Variants in SPIDR observed in about 807,000 individuals in gnomAD.
SPIDR encodes the protein DNA repair-scaffolding protein.
In SPIDR, 93 loss-of-function variants were observed where a neutral mutation model predicts 104.6. That is an observed-to-expected ratio of 0.89 (90% CI 0.75 to 1.06). The LOEUF is 1.06. Among genes scored for constraint, SPIDR ranks in the 50% least tolerant of loss-of-function variants. The pLI is 0.00. For missense variants in SPIDR, 1,154 were observed against 1,111.2 expected (o/e 1.04, Z -0.55); for synonymous variants, 431 against 416.9 (o/e 1.03, Z -0.41).
chr8:47,286,599 A>G (rs1351980672), intron 3 of SPIDR, among the ~76,000 whole-genome samples: 6 of 152,146 alleles, frequency 3.9e-5, no homozygotes, highest in African/African-American at 1.4e-4. Context: ...AAAAAATTAC[A>G]TGTACATACA....
Position 47,323,138 on chromosome 8 carries a change from G to T in SPIDR, c.525+29108G>T, listed in dbSNP as rs550084013. ...AAAAAGAAAAGTAAGGTGGATTAAT[G>T]GATAGAGAAATGTGATAAACTGTCA... On this transcript the variant is annotated intron_variant, in intron 5 of 19. Transcript: ENST00000297423. 1.9e-4 allele frequency among the ~76,000 whole-genome samples: 29 copies of T among 151,902 alleles called. No homozygotes were observed. The East Asian group carries it at 5.4e-3, about 28-fold the overall frequency.
chr8:47,715,667 GTA>G (rs1328928406), intron 16 of SPIDR, among the ~76,000 whole-genome samples: 6 of 152,176 alleles, frequency 3.9e-5, no homozygotes, highest in Admixed American at 6.5e-5. Context: ...AATGCAGTGT[GTA>G]TTTCTTTTAT....
intron 5 of SPIDR, among the ~76,000 whole-genome samples, chr8:47,296,901 T>C (rs1040563713): frequency 6.6e-6 from 1 of 152,238 alleles, no homozygotes; most frequent in Admixed American, 6.5e-5. Flanking sequence ...TTGTGTCATC[T>C]ACTATATCTT....
intron 8 of SPIDR, chr8:47,527,587 C>T (rs756390105): frequency 6.6e-6 from 1 of 152,238 alleles, no homozygotes; most frequent in African/African-American, 2.4e-5. Context: ...ATTTTAGCTT[C>T]GGAAAACACT....
chr8:47,394,257 C>A (rs782028400), intron 5 of SPIDR, among the ~76,000 whole-genome samples: 5 of 152,052 alleles, frequency 3.3e-5, no homozygotes, highest in African/African-American at 4.8e-5. Context: ...GGCTTTGTTG[C>A]CCTTCTTATG....
intron 11 of SPIDR, chr8:47,697,978 A>G (rs531839776): frequency 6.6e-5 from 10 of 152,258 alleles, no homozygotes; most frequent in African/African-American, 2.4e-4. Context: ...TCTGCTCCAC[A>G]AACTTGTTGT....
intron 8 of SPIDR, among the ~76,000 whole-genome samples, chr8:47,455,104 C>A (rs1307242797): frequency 6.6e-6 from 1 of 151,964 alleles, no homozygotes; most frequent in Non-Finnish European, 1.5e-5. Context: ...TGTTACTGTG[C>A]TTTTGGTATT....
At chr8:47,408,282 A>G (rs967735806) in intron 7 of SPIDR, among the ~76,000 whole-genome samples, 5 of 152,056 alleles carry the variant, frequency 3.3e-5, no homozygotes, top group Middle Eastern at 3.2e-3. Context: ...TTATTTCATT[A>G]TTTAGAGACA....
intron 8 of SPIDR, among the ~76,000 whole-genome samples, chr8:47,591,644 C>G (rs1319946826): frequency 1.3e-5 from 2 of 151,946 alleles, no homozygotes; most frequent in Non-Finnish European, 2.9e-5. Context: ...TCAAGCTTGT[C>G]CATCTACAGC....
intron 8 of SPIDR, among the ~76,000 whole-genome samples, chr8:47,509,159 AC>A (rs958338892): frequency 4.6e-5 from 7 of 152,086 alleles, no homozygotes; most frequent in Non-Finnish European, 1.0e-4. Flanking sequence ...ATTCCCAAAT[AC>A]CCAGCTAGCT....
intron 5 of SPIDR, among the ~76,000 whole-genome samples, chr8:47,369,869 T>G (rs2057748925): frequency 6.6e-6 from 1 of 152,220 alleles, no homozygotes; most frequent in Admixed American, 6.5e-5. Flanking sequence ...CCTATTAAAT[T>G]CATTAATTTC....
intron 8 of SPIDR, among the ~76,000 whole-genome samples, chr8:47,541,345 G>A (rs1329083380): frequency 6.6e-6 from 1 of 152,066 alleles, no homozygotes; most frequent in African/African-American, 2.4e-5. Context: ...CTCCAGCCTG[G>A]GTCTTTCTGA....
intron 5 of SPIDR, among the ~76,000 whole-genome samples, chr8:47,323,072 A>G (rs1238385256): frequency 6.6e-6 from 1 of 152,064 alleles, no homozygotes. Flanking sequence ...CATGTACCCG[A>G]AAACGTAAAG....
At chr8:47,396,289 A>G in intron 5 of SPIDR, 87 bp from the exon 6 acceptor site, 1 of 1,125,092 alleles carries the variant, frequency 8.9e-7, no homozygotes, top group Admixed American at 2.3e-5. Context: ...ACTGTAAGGG[A>G]ATGGAATGAT....
In SPIDR at chr8:47,284,036, A is replaced by C; in HGVS notation, c.198A>C (p.Thr66=). ...TATTATTTTGCCTACAGTCATTAACAGCTGAAGAGAAGACGATTACAGAAA... is the reference window on the plus strand; with the variant it reads ...TATTATTTTGCCTACAGTCATTAACCGCTGAAGAGAAGACGATTACAGAAA... ...FQNTSGNPSL[T]AEEKTITEKH... Residue 66 remains threonine (T), a synonymous_variant, in exon 3 of 20, where the codon ACA becomes ACC. Transcript: ENST00000297423. 2.5e-6 allele frequency: 4 copies of C among 1,610,646 alleles called. No homozygotes were observed. Among genetic ancestry groups the C allele is most frequent in the Non-Finnish European group, 3.4e-6 (4 of 1,178,546 alleles).
chr8:47,597,041 G>A (rs534575575), intron 9 of SPIDR, among the ~76,000 whole-genome samples: 2 of 152,256 alleles, frequency 1.3e-5, no homozygotes, highest in South Asian at 4.2e-4. Context: ...ACCTTCTGAA[G>A]TACCTGTCTA....
intron 8 of SPIDR, among the ~76,000 whole-genome samples, chr8:47,443,957 A>G (rs544735509): frequency 1.3e-5 from 2 of 152,320 alleles, no homozygotes; most frequent in African/African-American, 4.8e-5. Context: ...AAATAAAGAT[A>G]GAAGTAAAAT....
At chr8:47,662,738 G>A (rs1224155871) in intron 10 of SPIDR, among the ~76,000 whole-genome samples, 1 of 152,156 alleles carries the variant, frequency 6.6e-6, no homozygotes, top group East Asian at 1.9e-4. Flanking sequence ...TGGTCTGAAT[G>A]TTTGCATCTC....
At chr8:47,517,026 C>T (rs1192446440) in intron 8 of SPIDR, among the ~76,000 whole-genome samples, 2 of 152,122 alleles carry the variant, frequency 1.3e-5, no homozygotes, top group East Asian at 3.9e-4. Context: ...GACTTGTCGC[C>T]CAGGCTGGAG....
Sources: allele counts gnomAD v4.1 joint callset (sites outside exome capture counted in the v4.1 genomes callset), GRCh38; gene constraint gnomAD v4.1.1; transcripts MANE v1.5; gene names NCBI Gene and HGNC (gene_info 2026-07-23, HGNC 2026-07-21).